The following ERP44 variants were observed in gnomAD, a reference collection of about 807,000 sequenced individuals.
The protein encoded by ERP44 is endoplasmic reticulum resident protein 44.
In ERP44, 25 loss-of-function variants were observed where a neutral mutation model predicts 53.4. That is an observed-to-expected ratio of 0.47 (90% CI 0.34 to 0.65). The LOEUF (loss-of-function observed/expected upper bound fraction) is 0.65. ERP44 is among the 30% of genes least tolerant of loss of function. ERP44 has a pLI of 0.01. For missense variants in ERP44, 338 were observed against 493.2 expected, an observed-to-expected ratio of 0.69 and a Z score of 2.98; for synonymous variants, 145 against 161.2, an observed-to-expected ratio of 0.90 and a Z score of 0.76.
intron 1 of ERP44, among the ~76,000 whole-genome samples, chr9:100,078,419 CT>C (rs1826382745): frequency 7.0e-6 from 1 of 142,594 alleles, no homozygotes; most frequent in Non-Finnish European, 1.5e-5. Flanking sequence ...GATTGCGCCT[CT>C]GCACTCCAGC....
intron 8 of ERP44, among the ~76,000 whole-genome samples, chr9:100,009,260 C>T (rs1830448470): frequency 2.0e-5 from 3 of 152,204 alleles, no homozygotes; most frequent in Admixed American, 2.0e-4. Flanking sequence ...AACAAGTGCA[C>T]ATCACCATGC....
chr9:99,999,091 C>G (rs1338848257), intron 10 of ERP44: 22 of 684,520 alleles, frequency 3.2e-5, no homozygotes, highest in Non-Finnish European at 5.1e-5. Flanking sequence ...ACGGCCGTTC[C>G]CACAGCGGCG....
rs1457665214 is a variant in ERP44, at chr9:99,980,210, A to C, written c.*2402T>G. 1 of 396,394 alleles carries C rather than the reference A, an allele frequency of 2.5e-6. No homozygotes were observed. Among genetic ancestry groups the C allele is most frequent in the Admixed American group, 4.4e-5 (1 of 22,682 alleles). The allele number at this position is 396,394 out of a possible 1,614,324, so 24.6% of individuals were successfully genotyped here. The stretch of plus-strand genomic sequence containing the variant: ...TGTCTTTACATCTATAACACGTTAC[A>C]GTCATTGTTTACATATCCATATGCC... On this transcript the variant is annotated 3_prime_UTR_variant, in exon 12 of 12. Transcript: ENST00000262455.
intron 1 of ERP44, among the ~76,000 whole-genome samples, chr9:100,087,686 T>C (rs1386878540): frequency 1.3e-5 from 2 of 152,232 alleles, no homozygotes; most frequent in Non-Finnish European, 1.5e-5. Context: ...CTAGGAGTTA[T>C]TTCCAAGTGG....
chr9:99,984,690 G>A (rs566113496), intron 11 of ERP44, among the ~76,000 whole-genome samples: 2 of 152,244 alleles, frequency 1.3e-5, no homozygotes, highest in South Asian at 4.1e-4. Flanking sequence ...ATTCCCATTT[G>A]AAGCCAACTA....
intron 10 of ERP44, among the ~76,000 whole-genome samples, chr9:99,985,624 G>C (rs536797509): frequency 6.6e-6 from 1 of 152,158 alleles, no homozygotes; most frequent in Admixed American, 6.5e-5. Flanking sequence ...GCCTACTTTT[G>C]AGGTTCGGGT....
intron 7 of ERP44, among the ~76,000 whole-genome samples, chr9:100,017,026 A>C (rs1369172551): frequency 6.6e-6 from 1 of 152,242 alleles, no homozygotes; most frequent in Non-Finnish European, 1.5e-5. Context: ...TTTTAGAAGA[A>C]AATGTGGATA....
In ERP44 at chr9:100,086,040, C is replaced by T. The variant is rs543661449; in HGVS notation, c.57+12744G>A. Among the ~76,000 whole-genome samples, 3 of 152,250 alleles carry T rather than the reference C, an allele frequency of 2.0e-5. No homozygotes were observed. In the East Asian group the frequency reaches 5.8e-4, roughly 29 times the overall value. On this transcript the variant is annotated intron_variant, in intron 1 of 11. Coordinates refer to ENST00000262455, the MANE Select transcript of ERP44 (RefSeq NM_015051.3). ...AGATTATATTTTTCTAAAGATTTGT[C>T]ATCATTTTCCATATACCTAGTCAAT...
At chr9:99,990,896 ACAAAGAT>A (rs1409774664) in intron 10 of ERP44, among the ~76,000 whole-genome samples, 1 of 152,236 alleles carries the variant, frequency 6.6e-6, no homozygotes, top group African/African-American at 2.4e-5. Context: ...CTTTAAACCA[ACAAAGAT>A]CAAAAGAGAC....
At chr9:99,989,840 G>A (rs1282742056) in intron 10 of ERP44, among the ~76,000 whole-genome samples, 1 of 152,160 alleles carries the variant, frequency 6.6e-6, no homozygotes, top group East Asian at 1.9e-4. Context: ...TGACCGGATG[G>A]AGCTGAAAAC....
chr9:100,008,731 T>C (rs142043189), intron 8 of ERP44, among the ~76,000 whole-genome samples: 1 of 152,190 alleles, frequency 6.6e-6, no homozygotes, highest in African/African-American at 2.4e-5. Context: ...TTTATTTTTT[T>C]AAAAAACTGA....
chr9:100,080,630 A>G (rs1826412110), intron 1 of ERP44, among the ~76,000 whole-genome samples: 1 of 152,202 alleles, frequency 6.6e-6, no homozygotes, highest in Admixed American at 6.6e-5. Context: ...GAAAATTTAC[A>G]GACAGGGCCA....
At chr9:99,994,764 G>T (rs1830293437) in intron 10 of ERP44, among the ~76,000 whole-genome samples, 2 of 152,038 alleles carry the variant, frequency 1.3e-5, no homozygotes, top group South Asian at 2.1e-4. Context: ...AATTACCTTA[G>T]ATTTATATTG....
chr9:100,068,827 T>C (rs994923674), intron 1 of ERP44, among the ~76,000 whole-genome samples: 13 of 151,960 alleles, frequency 8.6e-5, no homozygotes, highest in African/African-American at 3.1e-4. Context: ...ATGATGACAA[T>C]GGCGTTTTTG....
At chr9:100,043,160 G>A (rs1475838315) in intron 4 of ERP44, among the ~76,000 whole-genome samples, 3 of 147,692 alleles carry the variant, frequency 2.0e-5, no homozygotes, top group African/African-American at 7.5e-5. Context: ...TCAGGAGGCT[G>A]AGGCAGGAGA....
chr9:100,025,322 T>C (rs1170452460), intron 4 of ERP44, among the ~76,000 whole-genome samples: 1 of 151,912 alleles, frequency 6.6e-6, no homozygotes, highest in African/African-American at 2.4e-5. Flanking sequence ...AAGAAAATTA[T>C]GAGAAAAAAA....
chr9:100,058,387 A>G (rs904760388), intron 2 of ERP44, among the ~76,000 whole-genome samples: 1 of 152,170 alleles, frequency 6.6e-6, no homozygotes, highest in African/African-American at 2.4e-5. Flanking sequence ...CCTTCGTTGC[A>G]TCTTAAATGA....
At chr9:100,035,897 C>A (rs758239818) in intron 4 of ERP44, among the ~76,000 whole-genome samples, 8 of 152,050 alleles carry the variant, frequency 5.3e-5, no homozygotes, top group Non-Finnish European at 8.8e-5. Context: ...CAAAAAAGAA[C>A]AGATGATGGC....
At chr9:100,006,915 T>C (rs1428277193) in intron 9 of ERP44, among the ~76,000 whole-genome samples, 4 of 152,218 alleles carry the variant, frequency 2.6e-5, no homozygotes, top group African/African-American at 9.7e-5. Flanking sequence ...TTTCCTTAAA[T>C]GGGCAATCAT....
Sources: allele counts gnomAD v4.1 joint callset (sites outside exome capture counted in the v4.1 genomes callset), GRCh38; gene constraint gnomAD v4.1.1; transcripts MANE v1.5; gene names NCBI Gene and HGNC (gene_info 2026-07-23, HGNC 2026-07-21).